Variants in KCNB2 observed in about 807,000 individuals in gnomAD.
KCNB2 encodes the protein delayed rectifier potassium channel protein.
Under a neutral mutation model 61.5 loss-of-function variants are expected in KCNB2, and 15 were observed. The observed-to-expected ratio is 0.24, with a 90% CI of 0.16 to 0.38. KCNB2 has a LOEUF of 0.38. Ranked by LOEUF, KCNB2 falls within the 10% of genes least tolerant of loss-of-function variation. The pLI is 1.00. For missense variants in KCNB2, 828 were observed against 1,125.2 expected (o/e 0.74, Z 3.78); for synonymous variants, 457 against 446.0 (o/e 1.02, Z -0.31).
intron 2 of KCNB2, among the ~76,000 whole-genome samples, chr8:72,757,394 TGAATGGAAA>T (rs1221632829): frequency 6.6e-6 from 1 of 151,954 alleles, no homozygotes; most frequent in African/African-American, 2.4e-5. Context: ...AACATGGCTG[TGAATGGAAA>T]GAGAGATGCT....
intron 2 of KCNB2, among the ~76,000 whole-genome samples, chr8:72,573,030 C>T (rs1806738868): frequency 1.3e-5 from 2 of 152,158 alleles, no homozygotes; most frequent in African/African-American, 2.4e-5. Flanking sequence ...TTCAGCTCTC[C>T]ACAGAGCCAG....
chr8:72,855,801 T>A lies in KCNB2; in HGVS notation c.580-80134T>A, dbSNP rs547866247. 3.3e-5 allele frequency among the ~76,000 whole-genome samples: 5 copies of A among 152,232 alleles called. No homozygotes were observed. In the East Asian group the frequency reaches 9.7e-4, roughly 29 times the overall value. On this transcript the variant is annotated intron_variant, in intron 2 of 2. Coordinates refer to ENST00000523207, the MANE Select transcript of KCNB2 (RefSeq NM_004770.3). ...AAATGGAAATACAGTTGCCCCTCAGTATCTTTGGGGAATGGTTCCAGGACC... is the reference window on the plus strand; with the variant it reads ...AAATGGAAATACAGTTGCCCCTCAGAATCTTTGGGGAATGGTTCCAGGACC...
chr8:72,872,171 A>T (rs77025326), intron 2 of KCNB2, among the ~76,000 whole-genome samples: 10,920 of 152,192 alleles, frequency 0.072, 1,283 homozygotes, highest in African/African-American at 0.24. Flanking sequence ...ATAGAGAGTG[A>T]CTTTGGAGAA....
intron 2 of KCNB2, among the ~76,000 whole-genome samples, chr8:72,901,801 T>C (rs2129006643): frequency 6.6e-6 from 1 of 152,310 alleles, no homozygotes; most frequent in East Asian, 1.9e-4. Flanking sequence ...TGCACTATTT[T>C]GCATTCCCAT....
At chr8:72,912,892 G>A (rs962688567) in intron 2 of KCNB2, among the ~76,000 whole-genome samples, 9 of 152,040 alleles carry the variant, frequency 5.9e-5, no homozygotes, top group South Asian at 4.1e-4. Flanking sequence ...TAAATGTTTC[G>A]GAGAAAGATT....
intron 2 of KCNB2, among the ~76,000 whole-genome samples, chr8:72,577,130 C>T (rs537736114): frequency 6.6e-6 from 1 of 152,138 alleles, no homozygotes; most frequent in African/African-American, 2.4e-5. Context: ...AATGTCTTTA[C>T]AAAGTTTTAA....
chr8:72,824,764 G>A (rs541504075), intron 2 of KCNB2, among the ~76,000 whole-genome samples: 1 of 152,146 alleles, frequency 6.6e-6, no homozygotes, highest in African/African-American at 2.4e-5. Context: ...CTGCAATGAA[G>A]GAGGGAGCTG....
intron 1 of KCNB2, among the ~76,000 whole-genome samples, chr8:72,563,362 G>A (rs553666202): frequency 6.6e-6 from 1 of 152,282 alleles, no homozygotes; most frequent in East Asian, 1.9e-4. Flanking sequence ...ATGTGGAACT[G>A]AGGTGTTCTG....
At chr8:72,559,451 G>A (rs16938237) in intron 1 of KCNB2, among the ~76,000 whole-genome samples, 20,164 of 152,082 alleles carry the variant, frequency 0.13, 1,676 homozygotes, top group East Asian at 0.46. Context: ...GGCCAGTGTT[G>A]TGTCTTAATC....
At position 72,841,105 on chromosome 8, in the gene KCNB2, T is replaced by C. The variant is rs951266988; in HGVS notation, c.580-94830T>C. 1.3e-5 allele frequency among the ~76,000 whole-genome samples: 2 copies of C among 152,202 alleles called. 1 individual carries two copies. ...ATAAGGTGTAAGGAAAGGGTCTAGC[T>C]TCTGTTTTCTGCATATGGCTGGCCA... On this transcript the variant is annotated intron_variant, in intron 2 of 2. Transcript: ENST00000523207.
At chr8:72,584,321 C>A (rs539926004) in intron 2 of KCNB2, among the ~76,000 whole-genome samples, 1 of 152,080 alleles carries the variant, frequency 6.6e-6, no homozygotes, top group African/African-American at 2.4e-5. Flanking sequence ...GTTAAAGTCT[C>A]GGAAATGCCC....
At chr8:72,700,029 G>A (rs1252766480) in intron 2 of KCNB2, among the ~76,000 whole-genome samples, 5 of 152,124 alleles carry the variant, frequency 3.3e-5, no homozygotes, top group Admixed American at 6.6e-5. Context: ...AAAAGAATGA[G>A]ATCATGTCCT....
chr8:72,815,585 A>G (rs1809383676), intron 2 of KCNB2, among the ~76,000 whole-genome samples: 1 of 152,226 alleles, frequency 6.6e-6, no homozygotes, highest in African/African-American at 2.4e-5. Context: ...GAATAAATGA[A>G]TGAATGAACA....
At chr8:72,824,552 C>A (rs1340010155) in intron 2 of KCNB2, among the ~76,000 whole-genome samples, 3 of 152,182 alleles carry the variant, frequency 2.0e-5, no homozygotes, top group African/African-American at 7.2e-5. Context: ...AATCTGATGA[C>A]TCTCTCCTGC....
chr8:72,699,895 G>A (rs1239681362), intron 2 of KCNB2, among the ~76,000 whole-genome samples: 1 of 152,070 alleles, frequency 6.6e-6, no homozygotes, highest in Non-Finnish European at 1.5e-5. Context: ...ACATGTGCAT[G>A]TATGTTTATT....
intron 2 of KCNB2, among the ~76,000 whole-genome samples, chr8:72,608,920 G>A (rs980050727): frequency 1.3e-5 from 2 of 152,138 alleles, no homozygotes; most frequent in African/African-American, 4.8e-5. Flanking sequence ...GTTACAAGGA[G>A]GAGTTAAGAT....
chr8:72,725,573 A>ATATGTATG (rs1563571989), intron 2 of KCNB2, among the ~76,000 whole-genome samples: 1 of 62,182 alleles, frequency 1.6e-5, no homozygotes, highest in African/African-American at 7.8e-5. Flanking sequence ...ATGTATATAT[A>ATATGTATG]TGTATATATA....
intron 2 of KCNB2, chr8:72,619,394 G>T (rs1362066456): frequency 4.3e-6 from 2 of 466,246 alleles, no homozygotes; most frequent in Admixed American, 2.6e-5. Flanking sequence ...TTCAAGTCAT[G>T]TATTACCAGG....
intron 2 of KCNB2, among the ~76,000 whole-genome samples, chr8:72,787,419 A>T (rs866172276): frequency 6.7e-6 from 1 of 150,020 alleles, no homozygotes; most frequent in East Asian, 2.0e-4. Flanking sequence ...ATACATCTGA[A>T]TTTTTTTTTT....
Sources: gnomAD v4.1 joint callset for allele counts (sites outside exome capture counted in the v4.1 genomes callset) on GRCh38, gnomAD v4.1.1 for gene constraint, MANE v1.5 for transcripts, NCBI Gene and HGNC (gene_info 2026-07-23, HGNC 2026-07-21) for gene names.